The following AUH variants were observed in gnomAD, a reference collection of about 807,000 sequenced individuals.
AUH encodes the protein AU RNA binding methylglutaconyl-CoA hydratase.
A neutral mutation model predicts 42.3 loss-of-function variants in AUH; 29 were observed. The observed-to-expected ratio is 0.69, with a 90% CI of 0.51 to 0.93. The LOEUF (loss-of-function observed/expected upper bound fraction) is 0.93, where lower values mean the gene tolerates loss of function less well. AUH is among the 40% of genes least tolerant of loss of function. AUH has a pLI of 0.00. For missense variants in AUH, 452 were observed against 438.1 expected (o/e 1.03, Z -0.28); for synonymous variants, 174 against 166.4 (o/e 1.05, Z -0.35).
intron 6 of AUH, among the ~76,000 whole-genome samples, chr9:91,288,204 A>G (rs1681627036): frequency 6.6e-6 from 1 of 152,152 alleles, no homozygotes; most frequent in Admixed American, 6.6e-5. Flanking sequence ...TAGAAGAGGT[A>G]AGAACAAAGA....
intron 6 of AUH, among the ~76,000 whole-genome samples, chr9:91,293,084 G>C (rs1827040529): frequency 6.6e-6 from 1 of 152,138 alleles, no homozygotes; most frequent in African/African-American, 2.4e-5. Context: ...ACCAATAAAT[G>C]CATGTATTCT....
At chr9:91,237,410 G>A (rs1471571816) in intron 6 of AUH, among the ~76,000 whole-genome samples, 23 of 152,182 alleles carry the variant, frequency 1.5e-4, no homozygotes, top group Admixed American at 1.4e-3. Context: ...GACAAAGTAA[G>A]AGGATAAAAA....
chr9:91,223,749 A>G (rs1255069042), intron 6 of AUH, among the ~76,000 whole-genome samples: 1 of 152,180 alleles, frequency 6.6e-6, no homozygotes, highest in Non-Finnish European at 1.5e-5. Flanking sequence ...TTTTTATAGT[A>G]GCCATCCTAA....
At chr9:91,290,805 G>A (rs988307085) in intron 6 of AUH, among the ~76,000 whole-genome samples, 1 of 152,112 alleles carries the variant, frequency 6.6e-6, no homozygotes, top group Admixed American at 6.5e-5. Context: ...TCAAGTCACA[G>A]TAAATATCCA....
chr9:91,283,240 A>C (rs934368520), intron 6 of AUH, among the ~76,000 whole-genome samples: 5 of 152,248 alleles, frequency 3.3e-5, no homozygotes, highest in Non-Finnish European at 5.9e-5. Flanking sequence ...GATGCAGAAA[A>C]GGCCTTTGAC....
chr9:91,241,990 A>G, intron 6 of AUH, among the ~76,000 whole-genome samples: 1 of 152,124 alleles, frequency 6.6e-6, no homozygotes, highest in East Asian at 1.9e-4. Context: ...ACAAACACTT[A>G]CTCTTTGATA....
chr9:91,319,684 A>G (rs905308011), intron 4 of AUH, among the ~76,000 whole-genome samples: 10 of 152,232 alleles, frequency 6.6e-5, no homozygotes, highest in African/African-American at 2.4e-4. Context: ...TGCCTCAAGT[A>G]GGCAGGCCTG....
At chr9:91,297,930 G>A (rs1827475562) in intron 5 of AUH, 54 bp downstream of exon 5, 1 of 1,360,918 alleles carries the variant, frequency 7.3e-7, no homozygotes, top group African/African-American at 1.4e-5. Context: ...TACCTGAAGA[G>A]TAAACACAAC....
chr9:91,315,769 AG>A (rs1829108427), intron 4 of AUH, among the ~76,000 whole-genome samples: 1 of 152,212 alleles, frequency 6.6e-6, no homozygotes, highest in African/African-American at 2.4e-5. Context: ...AGCTAGATCT[AG>A]GTCAGAACTA....
In AUH at chr9:91,253,976, ATAATTACATTTCCAAC is replaced by A. The variant is rs555765229; in HGVS notation, c.656-33000_656-32985del. Among the ~76,000 whole-genome samples the A allele has an allele frequency of 8.9e-4, 135 of 152,368 alleles. 1 individual carries two copies. Among genetic ancestry groups the A allele is most frequent in the African/African-American group, 2.5e-3 (104 of 41,590 alleles). On this transcript the variant is annotated intron_variant, in intron 6 of 9. Coordinates refer to ENST00000375731, the MANE Select transcript of AUH (RefSeq NM_001698.3). ...TAAATAAGCTAAGTACAGAGTGAAA[ATAATTACATTTCCAAC>A]TAATTACATTTCCAACTAATTACGA...
intron 4 of AUH, among the ~76,000 whole-genome samples, chr9:91,320,119 T>C (rs1438979106): frequency 2.0e-5 from 3 of 152,374 alleles, no homozygotes; most frequent in East Asian, 1.9e-4. Flanking sequence ...AAATCTCATA[T>C]ATTTGGACAT....
At chr9:91,278,985 G>T (rs1356352491) in intron 6 of AUH, among the ~76,000 whole-genome samples, 1 of 152,092 alleles carries the variant, frequency 6.6e-6, no homozygotes, top group African/African-American at 2.4e-5. Flanking sequence ...GCAGTTCAGT[G>T]GTGGCATGAA....
intron 6 of AUH, among the ~76,000 whole-genome samples, chr9:91,226,134 C>T (rs1218297685): frequency 6.7e-6 from 1 of 149,872 alleles, no homozygotes; most frequent in African/African-American, 2.5e-5. Flanking sequence ...ACACTGACTT[C>T]CACAATGGTT....
At chr9:91,263,299 G>C (rs1387515710) in intron 6 of AUH, among the ~76,000 whole-genome samples, 3 of 152,178 alleles carry the variant, frequency 2.0e-5, no homozygotes, top group African/African-American at 7.2e-5. Context: ...TTAAAAGTGA[G>C]CTGTATTCAC....
intron 6 of AUH, 103 bp from the exon 7 acceptor site, chr9:91,221,095 G>T: frequency 7.7e-7 from 1 of 1,296,074 alleles, no homozygotes; most frequent in Non-Finnish European, 1.1e-6. Flanking sequence ...AGGGCCAGAA[G>T]TTTATATGTT....
At chr9:91,334,328 C>T (rs1441369874) in intron 3 of AUH, among the ~76,000 whole-genome samples, 1 of 151,758 alleles carries the variant, frequency 6.6e-6, no homozygotes, top group African/African-American at 2.4e-5. Flanking sequence ...AATTCGTGAA[C>T]TGCAAAGAAG....
At chr9:91,353,757 G>A (rs965885108) in intron 3 of AUH, among the ~76,000 whole-genome samples, 3 of 132,294 alleles carry the variant, frequency 2.3e-5, no homozygotes, top group East Asian at 2.2e-4. Context: ...AGAATGGGGT[G>A]AACCCAGGAG....
At chr9:91,257,363 G>A (rs781314906) in intron 6 of AUH, among the ~76,000 whole-genome samples, 17 of 151,950 alleles carry the variant, frequency 1.1e-4, no homozygotes, top group Admixed American at 3.9e-4. Context: ...CTCAGGGAGC[G>A]GTGGCACCAA....
chr9:91,225,824 T>C lies in AUH; in HGVS notation c.656-4832A>G, dbSNP rs535262504. Among the ~76,000 whole-genome samples the C allele has an allele frequency of 2.0e-5, 3 of 152,012 alleles. No individual in the cohort carries two copies. In the South Asian group the frequency reaches 6.2e-4, roughly 32 times the overall value. ...GGTGTTTGGTTTTTTGTTCTTGGGA[T>C]AGTTTACTGAGAATGACGATTTCCA... is the stretch of plus-strand genomic sequence containing the variant. On this transcript the variant is annotated intron_variant, in intron 6 of 9. Coordinates refer to ENST00000375731, the MANE Select transcript of AUH (RefSeq NM_001698.3).
Sources: gnomAD v4.1 joint callset for allele counts (sites outside exome capture counted in the v4.1 genomes callset) on GRCh38, gnomAD v4.1.1 for gene constraint, MANE v1.5 for transcripts, NCBI Gene and HGNC (gene_info 2026-07-23, HGNC 2026-07-21) for gene names.